Variants in LUZP2 observed in about 807,000 individuals in gnomAD.
LUZP2 encodes the protein leucine zipper protein 2.
A neutral mutation model predicts 51.6 loss-of-function variants in LUZP2; 52 were observed. The ratio of observed to expected loss-of-function variants is 1.01; its 90% CI spans 0.81 to 1.27. LUZP2 has a LOEUF of 1.27. Ranked by LOEUF, LUZP2 falls within the 50% of genes most tolerant of loss-of-function variation. The pLI is 0.00. For synonymous variants in LUZP2, 154 were observed against 137.3 expected (o/e 1.12, Z -0.85); for missense variants, 436 against 395.4 (o/e 1.10, Z -0.87).
chr11:24,785,003 T>C (rs1291113661), intron 5 of LUZP2, among the ~76,000 whole-genome samples: 1 of 152,042 alleles, frequency 6.6e-6, no homozygotes, highest in Non-Finnish European at 1.5e-5. Context: ...CAATATTAAT[T>C]CCACAGATCT....
rs372315440 is a variant in LUZP2 at position 24,878,805 on chromosome 11, G to C, written c.397-27186G>C. ...ACCCTAACAGGCCCTGGTGTATGCT[G>C]TTCCCCTCCATCTGTCCATGTGTTC... On this transcript the variant is annotated intron_variant, in intron 5 of 11. Coordinates refer to ENST00000336930, the MANE Select transcript of LUZP2 (RefSeq NM_001009909.4). 1.8e-4 allele frequency among the ~76,000 whole-genome samples: 28 copies of C among 151,704 alleles called. No homozygotes were observed. The East Asian group carries it at 3.1e-3, about 17-fold the overall frequency.
chr11:24,924,661 T>G (rs972069523), intron 7 of LUZP2, among the ~76,000 whole-genome samples: 7 of 152,186 alleles, frequency 4.6e-5, no homozygotes, highest in Admixed American at 1.3e-4. Context: ...GAATGTGTGC[T>G]CAAGGTGGTT....
chr11:24,632,038 T>A (rs1565041859), intron 1 of LUZP2, among the ~76,000 whole-genome samples: 1 of 152,016 alleles, frequency 6.6e-6, no homozygotes, highest in Non-Finnish European at 1.5e-5. Context: ...TGCTTTTTAC[T>A]ATGGAAGTGG....
At chr11:24,879,542 A>G (rs954064344) in intron 5 of LUZP2, among the ~76,000 whole-genome samples, 2 of 152,180 alleles carry the variant, frequency 1.3e-5, no homozygotes, top group Non-Finnish European at 2.9e-5. Flanking sequence ...CCAGCCATGT[A>G]AAAGCATTCC....
At chr11:24,555,523 A>C (rs1319423015) in intron 1 of LUZP2, among the ~76,000 whole-genome samples, 1 of 152,064 alleles carries the variant, frequency 6.6e-6, no homozygotes, top group Non-Finnish European at 1.5e-5. Flanking sequence ...ACTGGACTCA[A>C]CCTCTCTCTG....
At chr11:25,029,526 C>T (rs1857585915) in intron 9 of LUZP2, among the ~76,000 whole-genome samples, 1 of 152,062 alleles carries the variant, frequency 6.6e-6, no homozygotes, top group Non-Finnish European at 1.5e-5. Context: ...TACTTGAGAT[C>T]AGTAGCTCAA....
At chr11:24,857,481 C>A (rs1287761998) in intron 5 of LUZP2, among the ~76,000 whole-genome samples, 1 of 151,382 alleles carries the variant, frequency 6.6e-6, no homozygotes, top group African/African-American at 2.4e-5. Flanking sequence ...CACAGTGCCA[C>A]AATATTTTAG....
chr11:24,946,429 G>C (rs1207386182), intron 7 of LUZP2, among the ~76,000 whole-genome samples: 5 of 151,622 alleles, frequency 3.3e-5, no homozygotes, highest in Non-Finnish European at 5.9e-5. Flanking sequence ...CTATTTTACT[G>C]TCTTTTTTGT....
At chr11:24,567,656 C>G (rs972712846) in intron 1 of LUZP2, among the ~76,000 whole-genome samples, 18 of 151,644 alleles carry the variant, frequency 1.2e-4, no homozygotes, top group African/African-American at 4.4e-4. Flanking sequence ...GCAATGGTGG[C>G]CAGGAAGCAG....
intron 1 of LUZP2, among the ~76,000 whole-genome samples, chr11:24,509,567 C>G (rs1242450402): frequency 1.3e-5 from 2 of 148,502 alleles, no homozygotes; most frequent in Non-Finnish European, 3.0e-5. Context: ...AAATATATTA[C>G]TCATAGACAT....
chr11:25,011,642 C>A (rs1248373835), intron 9 of LUZP2, among the ~76,000 whole-genome samples: 1 of 151,974 alleles, frequency 6.6e-6, no homozygotes, highest in Non-Finnish European at 1.5e-5. Context: ...GATGGTGGTA[C>A]AATGACTATA....
intron 1 of LUZP2, among the ~76,000 whole-genome samples, chr11:24,676,777 C>A (rs1442646172): frequency 6.6e-6 from 1 of 152,066 alleles, no homozygotes; most frequent in Non-Finnish European, 1.5e-5. Flanking sequence ...GAATCTCCTG[C>A]CTCAGCCTCC....
intron 1 of LUZP2, among the ~76,000 whole-genome samples, chr11:24,645,661 T>A (rs1855440337): frequency 6.6e-6 from 1 of 152,050 alleles, no homozygotes; most frequent in South Asian, 2.1e-4. Flanking sequence ...CCAGTAATTT[T>A]TCTCTTAAAA....
At chr11:24,860,139 A>G (rs1299844994) in intron 5 of LUZP2, among the ~76,000 whole-genome samples, 1 of 152,104 alleles carries the variant, frequency 6.6e-6, no homozygotes. Flanking sequence ...TAGTCCCAAG[A>G]CTTCTCCCCA....
chr11:24,914,740 C>A (rs746944895), intron 7 of LUZP2, among the ~76,000 whole-genome samples: 5 of 152,136 alleles, frequency 3.3e-5, no homozygotes, highest in African/African-American at 7.2e-5. Context: ...CATTCTTAAT[C>A]AAAAGCATGC....
At chr11:24,886,681 G>T (rs1374559507) in intron 5 of LUZP2, among the ~76,000 whole-genome samples, 2 of 152,100 alleles carry the variant, frequency 1.3e-5, no homozygotes, top group Non-Finnish European at 2.9e-5. Flanking sequence ...CGTAATTCTG[G>T]AGACCACATC....
At chr11:24,962,444 C>T (rs1357169046) in intron 7 of LUZP2, among the ~76,000 whole-genome samples, 1 of 152,200 alleles carries the variant, frequency 6.6e-6, no homozygotes, top group Non-Finnish European at 1.5e-5. Flanking sequence ...TCCCATATTT[C>T]TTGGAGGCTT....
At chr11:24,877,420 TC>T (rs1852307746) in intron 5 of LUZP2, among the ~76,000 whole-genome samples, 2 of 152,080 alleles carry the variant, frequency 1.3e-5, no homozygotes, top group African/African-American at 4.8e-5. Flanking sequence ...TTTAAGACTC[TC>T]TTAAAAATAT....
chr11:24,897,366 G>A (rs1175856892), intron 5 of LUZP2, among the ~76,000 whole-genome samples: 2 of 152,174 alleles, frequency 1.3e-5, no homozygotes. Context: ...AATAAATCTT[G>A]TTCTGCTCTT....
Sources: gnomAD v4.1 joint callset for allele counts (sites outside exome capture counted in the v4.1 genomes callset) on GRCh38, gnomAD v4.1.1 for gene constraint, MANE v1.5 for transcripts, NCBI Gene and HGNC (gene_info 2026-07-23, HGNC 2026-07-21) for gene names.